Variants in FILIP1 observed in about 807,000 individuals in gnomAD.
FILIP1 encodes the protein filamin A interacting protein 1.
Under a neutral mutation model 102.1 loss-of-function variants are expected in FILIP1, and 61 were observed. The observed-to-expected ratio is 0.60, with a 90% CI of 0.49 to 0.74. FILIP1 has a LOEUF of 0.74. FILIP1 is among the 30% of genes least tolerant of loss of function. FILIP1 has a pLI of 0.00. For synonymous variants in FILIP1, 491 were observed against 526.9 expected, an observed-to-expected ratio of 0.93 and a Z score of 0.93; for missense variants, 1,314 against 1,441.2, an observed-to-expected ratio of 0.91 and a Z score of 1.43.
At chr6:75,338,894 C>A (rs1281032871) in intron 4 of FILIP1, among the ~76,000 whole-genome samples, 1 of 152,186 alleles carries the variant, frequency 6.6e-6, no homozygotes, top group African/African-American at 2.4e-5. Flanking sequence ...ACTTTTAATA[C>A]AGTTGCTTCT....
chr6:75,405,029 A>G (rs753794510), intron 2 of FILIP1, among the ~76,000 whole-genome samples: 1 of 152,074 alleles, frequency 6.6e-6, no homozygotes, highest in Non-Finnish European at 1.5e-5. Flanking sequence ...AACTTTTCCA[A>G]ATAACATCTA....
chr6:75,418,312 AT>A (rs1562572301), intron 1 of FILIP1, among the ~76,000 whole-genome samples: 1 of 152,368 alleles, frequency 6.6e-6, no homozygotes, highest in East Asian at 1.9e-4. Flanking sequence ...TCACATAGCA[AT>A]TTAAATTAGG....
Position 75,493,670 on chromosome 6 carries a change from G to A in FILIP1, c.-263C>T, listed in dbSNP as rs892137975. On this transcript the variant is annotated 5_prime_UTR_variant, in exon 1 of 6. Transcript: ENST00000237172. The stretch of plus-strand genomic sequence containing the variant: ...AAATCCCGATCAGCAGAAATTGGAA[G>A]TTGTTGTATATCTCCCACCCAGACT... The A allele has an allele frequency of 2.0e-5, 3 of 152,248 alleles. No individual in the cohort carries two copies. The highest frequency in any genetic ancestry group is 2.9e-5 in the Non-Finnish European group (2 of 68,064). 9.4% of individuals were successfully genotyped at this position (152,248 alleles called of 1,614,324 possible).
At chr6:75,479,667 A>G (rs1779593285) in intron 1 of FILIP1, among the ~76,000 whole-genome samples, 1 of 151,768 alleles carries the variant, frequency 6.6e-6, no homozygotes, top group African/African-American at 2.4e-5. Context: ...TCAGGAGTTC[A>G]AGACCAGTCA....
At chr6:75,429,038 A>C (rs1777729583) in intron 1 of FILIP1, among the ~76,000 whole-genome samples, 2 of 152,076 alleles carry the variant, frequency 1.3e-5, no homozygotes, top group Non-Finnish European at 2.9e-5. Flanking sequence ...CTAAGAGTCA[A>C]TTGCCATGTG....
At chr6:75,307,328 C>CT (rs1030267711), downstream of FILIP1, among the ~76,000 whole-genome samples, 19 of 152,160 alleles carry the variant, frequency 1.2e-4, no homozygotes, top group Admixed American at 7.9e-4. Flanking sequence ...AATCATACAT[C>CT]TTTTTTTTAA....
chr6:75,330,769 T>A (rs1368668733), intron 4 of FILIP1, among the ~76,000 whole-genome samples: 1 of 152,180 alleles, frequency 6.6e-6, no homozygotes, highest in East Asian at 1.9e-4. Context: ...TAAATGAAGT[T>A]TTATTTTTCA....
chr6:75,311,225 C>T (rs1451090958), intron 5 of FILIP1, among the ~76,000 whole-genome samples: 2 of 152,160 alleles, frequency 1.3e-5, no homozygotes, highest in Admixed American at 1.3e-4. Flanking sequence ...CTCTGTCACC[C>T]AGGCTGGAGT....
At chr6:75,417,619 A>C (rs1031165619) in intron 1 of FILIP1, among the ~76,000 whole-genome samples, 1 of 152,210 alleles carries the variant, frequency 6.6e-6, no homozygotes, top group African/African-American at 2.4e-5. Context: ...GTTACACAGT[A>C]TAGGAAGCAT....
chr6:75,369,704 C>T (rs529835122), intron 2 of FILIP1, among the ~76,000 whole-genome samples: 3 of 152,174 alleles, frequency 2.0e-5, no homozygotes, highest in African/African-American at 7.2e-5. Flanking sequence ...TGGAGATAAA[C>T]ATGGTGCATC....
Position 75,353,555 on chromosome 6 carries a change from C to G in FILIP1, c.613G>C (p.Glu205Gln). 6.2e-7 allele frequency: 1 copy of G among 1,614,130 alleles called. No homozygotes were observed. Among genetic ancestry groups the G allele is most frequent in the Non-Finnish European group, 8.5e-7 (1 of 1,180,026 alleles). The stretch of plus-strand genomic sequence containing the variant: ...GCACATTACCTCTCCCGCTCCTGCT[C>G]CAGCAGGTTGGTGAAGTCGTCGCTC... ...NKSDDFTNLL[E>Q]QERERLKKLL... The change falls in exon 4 of 6, where the codon GAG becomes CAG. Residue 205 changes from glutamate to glutamine, a missense_variant. This residue lies in a region of FILIP1 where 494 missense variants were observed against 511.2 expected (regional missense o/e 0.97). Transcript: ENST00000237172.
intron 5 of FILIP1, among the ~76,000 whole-genome samples, chr6:75,309,514 C>T (rs1324870357): frequency 6.6e-6 from 1 of 152,128 alleles, no homozygotes; most frequent in Non-Finnish European, 1.5e-5. Context: ...TCTCAGCCTC[C>T]TTTTAATGTT....
chr6:75,324,984 T>C (rs1408296028), intron 4 of FILIP1, among the ~76,000 whole-genome samples: 2 of 152,190 alleles, frequency 1.3e-5, no homozygotes, highest in African/African-American at 4.8e-5. Context: ...ATAAAATCTC[T>C]AGAAGATAAC....
At chr6:75,412,574 A>G (rs577335882) in intron 2 of FILIP1, among the ~76,000 whole-genome samples, 1 of 152,202 alleles carries the variant, frequency 6.6e-6, no homozygotes, top group Admixed American at 6.5e-5. Context: ...CAGTCCACCC[A>G]CATTTGCTAA....
At chr6:75,377,589 C>A (rs1489924311) in intron 2 of FILIP1, among the ~76,000 whole-genome samples, 1 of 152,198 alleles carries the variant, frequency 6.6e-6, no homozygotes, top group African/African-American at 2.4e-5. Context: ...GCCTTTCTCC[C>A]TTCCCACAAG....
At chr6:75,465,494 A>C in intron 1 of FILIP1, 1 of 971,178 alleles carries the variant, frequency 1.0e-6, no homozygotes, top group South Asian at 1.4e-5. Flanking sequence ...GTTGTCCTGC[A>C]AGAGCTTCAG....
chr6:75,301,197 T>C (rs2149534310), intron 6 of FILIP1, among the ~76,000 whole-genome samples: 1 of 152,304 alleles, frequency 6.6e-6, no homozygotes, highest in East Asian at 1.9e-4. Flanking sequence ...ACAATATTCA[T>C]CAAAATATTG....
intron 1 of FILIP1, among the ~76,000 whole-genome samples, chr6:75,437,506 C>T (rs1778065111): frequency 6.6e-6 from 1 of 152,210 alleles, no homozygotes; most frequent in Non-Finnish European, 1.5e-5. Flanking sequence ...CATGGGAGAG[C>T]CTGAGTCTGT....
At chr6:75,487,085 G>A (rs943150327) in intron 1 of FILIP1, among the ~76,000 whole-genome samples, 1 of 152,080 alleles carries the variant, frequency 6.6e-6, no homozygotes, top group South Asian at 2.1e-4. Flanking sequence ...TATCAACACA[G>A]CGAGTGAAAG....
Sources: allele counts gnomAD v4.1 joint callset (sites outside exome capture counted in the v4.1 genomes callset), GRCh38; gene constraint gnomAD v4.1.1; regional missense constraint gnomAD v4.1.1; transcripts MANE v1.5; gene names NCBI Gene and HGNC (gene_info 2026-07-23, HGNC 2026-07-21).